BNC2: variants seen among roughly 807,000 people sequenced by gnomAD.
BNC2 encodes the protein zinc finger protein basonuclin-2.
BNC2 carries 20 observed loss-of-function variants against 76.3 expected under a neutral mutation model. The observed-to-expected ratio is 0.26, with a 90% CI of 0.18 to 0.38. The LOEUF is 0.38. Ranked by LOEUF, BNC2 falls within the 10% of genes least tolerant of loss-of-function variation. BNC2 has a pLI of 1.00. For missense variants in BNC2, 1,382 were observed against 1,399.8 expected, an observed-to-expected ratio of 0.99 and a Z score of 0.20; for synonymous variants, 582 against 514.8, an observed-to-expected ratio of 1.13 and a Z score of -1.77.
chr9:16,724,213 A>G (rs535835255), intron 3 of BNC2, among the ~76,000 whole-genome samples: 1 of 152,166 alleles, frequency 6.6e-6, no homozygotes, highest in African/African-American at 2.4e-5. Context: ...TCCTTTCTAA[A>G]AAGATTTTTA....
chr9:16,770,177 G>A (rs892458009), intron 1 of BNC2, among the ~76,000 whole-genome samples: 1 of 152,138 alleles, frequency 6.6e-6, no homozygotes, highest in African/African-American at 2.4e-5. Flanking sequence ...CCAAATCTCA[G>A]AATGCGAGGC....
intron 1 of BNC2, among the ~76,000 whole-genome samples, chr9:16,781,667 A>T (rs1165441603): frequency 6.6e-6 from 1 of 152,250 alleles, no homozygotes; most frequent in African/African-American, 2.4e-5. Flanking sequence ...TTCGTGGCAG[A>T]ATTTTTAAAA....
rs1015544272 is a variant in BNC2, at chr9:16,418,023, T to C, written c.*966A>G. The C allele has an allele frequency of 6.6e-6, 1 of 152,658 alleles. No individual in the cohort carries two copies. Among genetic ancestry groups the C allele is most frequent in the African/African-American group, 2.4e-5 (1 of 41,450 alleles). 9.5% of individuals were successfully genotyped at this position (152,658 alleles called of 1,614,324 possible). The stretch of plus-strand genomic sequence containing the variant: ...GCAGTTTTGTGTTAACACTAATACT[T>C]TGTTTGGCATTTGTGCCCTATACTG... On this transcript the variant is annotated 3_prime_UTR_variant, in exon 7 of 7. Coordinates refer to ENST00000380672, the MANE Select transcript of BNC2 (RefSeq NM_017637.6).
intron 3 of BNC2, among the ~76,000 whole-genome samples, chr9:16,709,176 G>T (rs1172283792): frequency 2.6e-5 from 4 of 152,054 alleles, no homozygotes; most frequent in Non-Finnish European, 5.9e-5. Context: ...AGCAAGGAGT[G>T]AGCAAGCCAC....
At chr9:16,495,911 CTTT>C (rs61004769) in intron 5 of BNC2, among the ~76,000 whole-genome samples, 13,981 of 142,854 alleles carry the variant, frequency 0.098, 1,931 homozygotes, top group African/African-American at 0.31. Context: ...TTTTCTTTTT[CTTT>C]TTTTTTTTTT....
intron 1 of BNC2, among the ~76,000 whole-genome samples, chr9:16,767,091 T>C (rs1040845332): frequency 2.6e-5 from 4 of 152,252 alleles, no homozygotes; most frequent in African/African-American, 9.6e-5. Context: ...ATATACTTCA[T>C]TCCCAAAGGA....
chr9:16,438,975 TG>T (rs1329376616), intron 5 of BNC2, among the ~76,000 whole-genome samples: 2 of 152,070 alleles, frequency 1.3e-5, no homozygotes, highest in East Asian at 3.9e-4. Flanking sequence ...AGGGAGCCGG[TG>T]GAAGTTAGTT....
At chr9:16,425,589 C>CTGGT (rs1200010195) in intron 6 of BNC2, among the ~76,000 whole-genome samples, 1 of 152,156 alleles carries the variant, frequency 6.6e-6, no homozygotes, top group Non-Finnish European at 1.5e-5. Context: ...TGAACGAAAT[C>CTGGT]ACCAAATTTG....
rs1821844138 is a variant in BNC2, at chr9:16,472,371, A to G, written c.670-34847T>C. 2.0e-5 allele frequency among the ~76,000 whole-genome samples: 3 copies of G among 152,192 alleles called. No homozygotes were observed. The South Asian group carries it at 6.2e-4, about 32-fold the overall frequency. On this transcript the variant is annotated intron_variant, in intron 5 of 6. Transcript: ENST00000380672. ...AAGCTTACATGAGGTGCTGCCCTGC[A>G]TTTGTCAGTGAGAATGATGGAAATT... is the stretch of plus-strand genomic sequence containing the variant.
chr9:16,709,257 C>T (rs1342402962), intron 3 of BNC2, among the ~76,000 whole-genome samples: 1 of 152,140 alleles, frequency 6.6e-6, no homozygotes, highest in Non-Finnish European at 1.5e-5. Flanking sequence ...AAGGCTTTCT[C>T]GGCCTGTGGT....
At chr9:16,742,367 G>A (rs1035342953) in intron 1 of BNC2, among the ~76,000 whole-genome samples, 6 of 152,314 alleles carry the variant, frequency 3.9e-5, no homozygotes, top group South Asian at 2.1e-4. Context: ...AACTGCAATT[G>A]TGGTCCAAAG....
chr9:16,670,222 T>C (rs970087725), intron 3 of BNC2, among the ~76,000 whole-genome samples: 3 of 152,216 alleles, frequency 2.0e-5, no homozygotes, highest in African/African-American at 7.2e-5. Flanking sequence ...CAGTAAAGAT[T>C]TGGGTCTACT....
intron 3 of BNC2, among the ~76,000 whole-genome samples, chr9:16,585,147 T>G (rs1819733520): frequency 6.6e-6 from 1 of 152,174 alleles, no homozygotes; most frequent in Non-Finnish European, 1.5e-5. Flanking sequence ...AAGCACACTT[T>G]CATCAACTTT....
intron 2 of BNC2, among the ~76,000 whole-genome samples, chr9:16,731,413 T>G (rs971098224): frequency 6.6e-6 from 1 of 152,140 alleles, no homozygotes. Context: ...TGCATCCAAG[T>G]TAAAGACATT....
chr9:16,623,478 G>A (rs1395728965), intron 3 of BNC2, among the ~76,000 whole-genome samples: 3 of 152,170 alleles, frequency 2.0e-5, no homozygotes, highest in Admixed American at 2.0e-4. Flanking sequence ...GAGTAGAACA[G>A]TATTGTCAAA....
In BNC2 at chr9:16,677,578, A is replaced by ACACACACACACACACACAC. The variant is rs61063092; in HGVS notation, c.330+50218_330+50219insGTGTGTGTGTGTGTGTGTG. Among the ~76,000 whole-genome samples the ACACACACACACACACACAC allele has an allele frequency of 1.7e-3, 232 of 139,330 alleles. 3 individuals are homozygous for ACACACACACACACACACAC. The highest frequency in any genetic ancestry group is 6.3e-3 in the African/African-American group (222 of 35,512). The allele number at this position is 139,330 out of a possible 152,430, so 91.4% of individuals were successfully genotyped here. On this transcript the variant is annotated intron_variant, in intron 3 of 6. Transcript: ENST00000380672. The stretch of plus-strand genomic sequence containing the variant: ...ACAAAGCTAGACTTTGTCTCAAACA[A>ACACACACACACACACACAC]ACACACACACACACACACACACACA...
intron 3 of BNC2, among the ~76,000 whole-genome samples, chr9:16,711,241 G>A (rs1050138402): frequency 1.3e-5 from 2 of 152,116 alleles, no homozygotes; most frequent in Admixed American, 1.3e-4. Context: ...TGAAACTACA[G>A]AACAACAGGG....
At chr9:16,797,703 TAAAAG>T (rs1250679169) in intron 1 of BNC2, among the ~76,000 whole-genome samples, 1 of 152,090 alleles carries the variant, frequency 6.6e-6, no homozygotes, top group African/African-American at 2.4e-5. Context: ...TGAAAAGTCT[TAAAAG>T]AAACTGGGGT....
At chr9:16,819,181 A>G (rs576036965) in intron 1 of BNC2, among the ~76,000 whole-genome samples, 20 of 152,346 alleles carry the variant, frequency 1.3e-4, no homozygotes, top group African/African-American at 4.1e-4. Context: ...ACAAACGGTC[A>G]AAGAAAAAAG....
Sources: gnomAD v4.1 joint callset for allele counts (sites outside exome capture counted in the v4.1 genomes callset) on GRCh38, gnomAD v4.1.1 for gene constraint, MANE v1.5 for transcripts, NCBI Gene and HGNC (gene_info 2026-07-23, HGNC 2026-07-21) for gene names.